Variants in PNLIPRP3 observed in about 807,000 individuals in gnomAD.
The protein encoded by PNLIPRP3 is pancreatic lipase related protein 3, also known as pancreatic lipase-related protein 3.
Under a neutral mutation model 52.8 loss-of-function variants are expected in PNLIPRP3, and 58 were observed. The observed-to-expected ratio is 1.10, with a 90% CI of 0.89 to 1.37. The LOEUF (loss-of-function observed/expected upper bound fraction) is 1.37. PNLIPRP3 is among the 40% of genes most tolerant of loss of function. The pLI, the probability that PNLIPRP3 is intolerant of heterozygous loss-of-function variation, is 0.00. For missense variants in PNLIPRP3, 593 were observed against 561.6 expected (o/e 1.06, Z -0.57); for synonymous variants, 192 against 185.0 (o/e 1.04, Z -0.31).
chr10:116,451,450 C>T (rs1039803141), intron 4 of PNLIPRP3, among the ~76,000 whole-genome samples: 3 of 152,110 alleles, frequency 2.0e-5, no homozygotes, highest in East Asian at 1.9e-4. Flanking sequence ...GCTTTGGATG[C>T]GTGTCCCCTC....
At chr10:116,463,888 A>G (rs60915080) in intron 7 of PNLIPRP3, among the ~76,000 whole-genome samples, 2,585 of 152,282 alleles carry the variant, frequency 0.017, 70 homozygotes, top group African/African-American at 0.06. Context: ...TAATCCCAGC[A>G]CTTTGAGAGG....
chr10:116,439,588 T>C, intron 2 of PNLIPRP3: 1 of 805,874 alleles, frequency 1.2e-6, no homozygotes, highest in Non-Finnish European at 2.2e-6. Context: ...GCAACATCCT[T>C]CTCATACTTT....
intron 2 of PNLIPRP3, chr10:116,440,055 A>G: frequency 1.4e-6 from 1 of 728,276 alleles, no homozygotes; most frequent in South Asian, 1.4e-5. Context: ...TCCTGACTGT[A>G]TTGTTCGCTA....
intron 4 of PNLIPRP3, among the ~76,000 whole-genome samples, chr10:116,450,727 A>T (rs950254971): frequency 5.9e-5 from 9 of 152,204 alleles, no homozygotes; most frequent in African/African-American, 1.2e-4. Context: ...ATTCCTAGAA[A>T]CATACAACAT....
At chr10:116,476,941 TAAAG>T in intron 11 of PNLIPRP3, 122 bp downstream of exon 11, 2 of 1,244,398 alleles carry the variant, frequency 1.6e-6, no homozygotes. Flanking sequence ...ATTTTGCAAT[TAAAG>T]AAAGGGAAAA....
intron 1 of PNLIPRP3, among the ~76,000 whole-genome samples, chr10:116,431,381 C>A (rs1845707836): frequency 6.6e-6 from 1 of 152,164 alleles, no homozygotes; most frequent in South Asian, 2.1e-4. Flanking sequence ...TACCTCCTAG[C>A]ATTAACCCCT....
chr10:116,443,304 G>C, intron 3 of PNLIPRP3, 130 bp downstream of exon 3: 1 of 1,005,518 alleles, frequency 9.9e-7, no homozygotes, highest in Non-Finnish European at 1.3e-6. Flanking sequence ...TCCGTGTTCT[G>C]GGGCCTCAAA....
chr10:116,457,480 C>A (rs1373988957), intron 5 of PNLIPRP3, among the ~76,000 whole-genome samples: 1 of 152,190 alleles, frequency 6.6e-6, no homozygotes, highest in East Asian at 1.9e-4. Flanking sequence ...TCTCTGCAAT[C>A]TGTTGATATA....
chr10:116,476,803 G>T lies in PNLIPRP3; in HGVS notation c.1324G>T (p.Gly442Trp), dbSNP rs199630485. Residue 442 changes from glycine (G) to tryptophan (W), a missense_variant, in exon 11 of 12, where the codon GGG becomes TGG. By Grantham distance (184) the Gly-to-Trp change is radical. Coordinates refer to ENST00000369230, the MANE Select transcript of PNLIPRP3 (RefSeq NM_001011709.3). ...AGCAGAAATGGTGATAAATACATCT[G>T]GGAAATATGGATATAAGTAAGTATT... is the stretch of plus-strand genomic sequence containing the variant. ...LGAEMVINTSGKYGYKSTFCS... is the reference protein window; with the variant it reads ...LGAEMVINTSWKYGYKSTFCS... The T allele has an allele frequency of 1.3e-6, 2 of 1,597,010 alleles. No individual in the cohort carries two copies. The highest frequency in any genetic ancestry group is 1.7e-6 in the Non-Finnish European group (2 of 1,174,242).
chr10:116,441,665 T>A (rs1429929530), intron 2 of PNLIPRP3, among the ~76,000 whole-genome samples: 1 of 152,204 alleles, frequency 6.6e-6, no homozygotes, highest in Non-Finnish European at 1.5e-5. Context: ...GAGAACACTA[T>A]AATCAGAACA....
chr10:116,469,122 G>T (rs749091148), intron 8 of PNLIPRP3, 63 bp from the exon 9 acceptor site: 115 of 1,435,380 alleles, frequency 8.0e-5, no homozygotes, highest in African/African-American at 1.2e-4. Context: ...AATATATAGC[G>T]AGTTTATTGA....
At chr10:116,457,217 A>G (rs905848280) in intron 5 of PNLIPRP3, among the ~76,000 whole-genome samples, 1 of 152,152 alleles carries the variant, frequency 6.6e-6, no homozygotes, top group East Asian at 1.9e-4. Context: ...CACAAATATT[A>G]TATCACATGG....
intron 7 of PNLIPRP3, among the ~76,000 whole-genome samples, chr10:116,463,334 T>A (rs1207596001): frequency 6.6e-6 from 1 of 152,166 alleles, no homozygotes; most frequent in East Asian, 1.9e-4. Flanking sequence ...GGGGCTGAGC[T>A]GGGCTAAGCT....
intron 5 of PNLIPRP3, among the ~76,000 whole-genome samples, chr10:116,459,415 C>T (rs1035512891): frequency 4.6e-5 from 7 of 152,104 alleles, no homozygotes; most frequent in Non-Finnish European, 8.8e-5. Context: ...CTGCATCCTT[C>T]CCACTCCGGG....
chr10:116,442,111 C>T (rs1363221558), intron 2 of PNLIPRP3, among the ~76,000 whole-genome samples: 2 of 152,144 alleles, frequency 1.3e-5, no homozygotes, highest in Non-Finnish European at 1.5e-5. Flanking sequence ...GTCAGACTTG[C>T]TATTTGCTGA....
At chr10:116,465,259 G>C (rs1846260861) in intron 7 of PNLIPRP3, among the ~76,000 whole-genome samples, 1 of 152,076 alleles carries the variant, frequency 6.6e-6, no homozygotes, top group South Asian at 2.1e-4. Flanking sequence ...CCTTGTTCAG[G>C]CTGGGTGCGG....
intron 7 of PNLIPRP3, among the ~76,000 whole-genome samples, chr10:116,463,964 T>G (rs1846237954): frequency 6.7e-6 from 1 of 148,630 alleles, no homozygotes; most frequent in African/African-American, 2.5e-5. Flanking sequence ...CACAACAAGA[T>G]AGTGAGGCCT....
chr10:116,448,052 G>A (rs1179119217), intron 4 of PNLIPRP3, among the ~76,000 whole-genome samples: 2 of 150,762 alleles, frequency 1.3e-5, no homozygotes, highest in South Asian at 2.1e-4. Flanking sequence ...GAGAAAGAAA[G>A]AAAGAAAAGA....
chr10:116,430,926 C>G (rs1338523299), intron 1 of PNLIPRP3, among the ~76,000 whole-genome samples: 1 of 152,160 alleles, frequency 6.6e-6, no homozygotes, highest in Non-Finnish European at 1.5e-5. Context: ...AAGGTAGCTC[C>G]ACTTAGGTAT....
Sources: gnomAD v4.1 joint callset for allele counts (sites outside exome capture counted in the v4.1 genomes callset) on GRCh38, gnomAD v4.1.1 for gene constraint, MANE v1.5 for transcripts, NCBI Gene and HGNC (gene_info 2026-07-23, HGNC 2026-07-21) for gene names.